Variants in STON2 observed in about 807,000 individuals in gnomAD.
STON2 encodes stonin-2.
In STON2, 29 loss-of-function variants were observed where a neutral mutation model predicts 65.7. That is an observed-to-expected ratio of 0.44 (90% confidence interval 0.33 to 0.60). The LOEUF is 0.60. STON2 is among the 20% of genes least tolerant of loss of function. The pLI, the probability that STON2 is intolerant of heterozygous loss-of-function variation, is 0.03. For missense variants in STON2, 1,054 were observed against 1,118.1 expected (o/e 0.94, Z 0.82); for synonymous variants, 404 against 414.2 (o/e 0.98, Z 0.30).
chr14:81,281,565 T>C (rs529526482), intron 5 of STON2, among the ~76,000 whole-genome samples: 82 of 152,340 alleles, frequency 5.4e-4, no homozygotes, highest in Non-Finnish European at 8.5e-4. Flanking sequence ...CCTTTTTCTT[T>C]GGAGGGCGGC....
At chr14:81,272,019 C>T (rs962286125) in intron 6 of STON2, among the ~76,000 whole-genome samples, 2 of 152,058 alleles carry the variant, frequency 1.3e-5, no homozygotes, top group African/African-American at 2.4e-5. Context: ...GTCAGGAGAT[C>T]GAGACCATCC....
intron 2 of STON2, among the ~76,000 whole-genome samples, chr14:81,405,844 T>C (rs1566946482): frequency 6.6e-6 from 1 of 152,158 alleles, no homozygotes; most frequent in African/African-American, 2.4e-5. Flanking sequence ...TTTAAGGGTG[T>C]TGCCAAAGGA....
intron 6 of STON2, 130 bp downstream of exon 6, chr14:81,276,771 G>T: frequency 9.2e-7 from 1 of 1,083,148 alleles, no homozygotes; most frequent in South Asian, 1.5e-5. Context: ...TACTTTTCTG[G>T]TCCCACTCCC....
At chr14:81,361,207 G>A (rs950540282) in intron 4 of STON2, among the ~76,000 whole-genome samples, 1 of 151,946 alleles carries the variant, frequency 6.6e-6, no homozygotes, top group Non-Finnish European at 1.5e-5. Context: ...GCTATCATAA[G>A]CAAAAACAAC....
In STON2 at chr14:81,261,881, T is replaced by A; in HGVS notation, c.*6533A>T. The stretch of plus-strand genomic sequence containing the variant: ...TTGATCCTCTTTTTAAATCTGTGTG[T>A]GGAAGGCAACTGCAATATAGAGGAT... On this transcript the variant is annotated 3_prime_UTR_variant, in exon 8 of 8. Coordinates refer to ENST00000614646, the MANE Select transcript of STON2 (RefSeq NM_001394390.1). 1.3e-6 allele frequency: 2 copies of A among 1,531,008 alleles called. No individual in the cohort carries two copies. Among genetic ancestry groups the A allele is most frequent in the Non-Finnish European group, 8.7e-7 (1 of 1,145,948 alleles). 94.8% of individuals were successfully genotyped at this position (1,531,008 alleles called of 1,614,324 possible). A position where few individuals can be genotyped will look rare whatever the true frequency, so the allele number is the denominator to read the frequency against.
intron 4 of STON2, among the ~76,000 whole-genome samples, chr14:81,347,711 A>G (rs982810445): frequency 4.1e-5 from 6 of 145,282 alleles, no homozygotes; most frequent in Non-Finnish European, 9.2e-5. Context: ...TGAATCCAAA[A>G]ACACTAAAAA....
rs1055588800 is a variant in STON2 at position 81,265,204 on chromosome 14, T to C, written c.*3210A>G. The C allele has an allele frequency of 8.1e-6, 8 of 984,786 alleles. No homozygotes were observed. The African/African-American group carries it at 1.2e-4, about 15-fold the overall frequency. The allele number at this position is 984,786 out of a possible 1,614,324, so 61.0% of individuals were successfully genotyped here. A position where few individuals can be genotyped will look rare whatever the true frequency, so the allele number is the denominator to read the frequency against. ...CTAATTTGCCCACTTGTATTTTCTT[T>C]AGAAGTTATTTAAACCTAGTAAAAC... On this transcript the variant is annotated 3_prime_UTR_variant, in exon 8 of 8. Coordinates refer to ENST00000614646, the MANE Select transcript of STON2 (RefSeq NM_001394390.1).
At chr14:81,323,007 C>A (rs1896875641) in intron 5 of STON2, among the ~76,000 whole-genome samples, 2 of 152,304 alleles carry the variant, frequency 1.3e-5, no homozygotes, top group South Asian at 4.1e-4. Context: ...ATACCGCCCT[C>A]CTATAAAACC....
intron 4 of STON2, among the ~76,000 whole-genome samples, chr14:81,340,284 C>CT (rs1367910978): frequency 6.6e-6 from 1 of 151,980 alleles, no homozygotes; most frequent in Non-Finnish European, 1.5e-5. Context: ...GCAGTGGGTG[C>CT]TTAGGGGTGG....
intron 5 of STON2, among the ~76,000 whole-genome samples, chr14:81,298,598 TAAGTTCCCA>T (rs927628253): frequency 6.6e-6 from 1 of 152,226 alleles, no homozygotes; most frequent in Non-Finnish European, 1.5e-5. Context: ...CCTGCTCTGG[TAAGTTCCCA>T]AGGAAGAGAA....
chr14:81,378,977 G>A (rs1427708455), intron 3 of STON2, among the ~76,000 whole-genome samples: 8 of 147,056 alleles, frequency 5.4e-5, no homozygotes, highest in African/African-American at 8.2e-5. Flanking sequence ...TGGAGATTCT[G>A]ATCAAGATGG....
rs117353647 is a variant in STON2 at position 81,388,280 on chromosome 14, A to T, written c.373+7614T>A. Reference sequence around the variant, plus strand: ...ATCATATGTTTCTAAGGGAGACTGTATATCTCCTTTTTTCCCTGGCCAACC... The same window carrying T: ...ATCATATGTTTCTAAGGGAGACTGTTTATCTCCTTTTTTCCCTGGCCAACC... On this transcript the variant is annotated intron_variant, in intron 3 of 7. Coordinates refer to ENST00000614646, the MANE Select transcript of STON2 (RefSeq NM_001394390.1). 2.8e-3 allele frequency among the ~76,000 whole-genome samples: 420 copies of T among 152,244 alleles called. 2 individuals carry two copies. Among genetic ancestry groups the T allele is most frequent in the East Asian group, 0.023 (119 of 5,156 alleles).
intron 4 of STON2, among the ~76,000 whole-genome samples, chr14:81,367,452 C>T (rs1215148201): frequency 6.6e-6 from 1 of 152,182 alleles, no homozygotes. Flanking sequence ...GCTGGGAATA[C>T]AGGCACGAGC....
chr14:81,265,383 G>C lies in STON2; in HGVS notation c.*3031C>G. ...TAATAATAATTTGTGGGTCCAGCAT[G>C]GTGGCTCACGCCTGTAATCCCAGAG... is the stretch of plus-strand genomic sequence containing the variant. On this transcript the variant is annotated 3_prime_UTR_variant, in exon 8 of 8. Transcript: ENST00000614646. 1.0e-6 allele frequency: 1 copy of C among 977,988 alleles called. No homozygotes were observed. The highest frequency in any genetic ancestry group is 1.2e-6 in the Non-Finnish European group (1 of 823,302). The allele number at this position is 977,988 out of a possible 1,614,324, so 60.6% of individuals were successfully genotyped here.
intron 3 of STON2, among the ~76,000 whole-genome samples, chr14:81,388,734 C>T (rs969505260): frequency 1.3e-5 from 2 of 152,152 alleles, no homozygotes; most frequent in Admixed American, 6.5e-5. Context: ...TTTTACTCTT[C>T]ATCTGCCAGA....
intron 2 of STON2, among the ~76,000 whole-genome samples, chr14:81,414,480 T>C (rs1283861926): frequency 5.3e-5 from 8 of 152,224 alleles, no homozygotes; most frequent in African/African-American, 9.6e-5. Flanking sequence ...GAGTCCCAGA[T>C]AGGGAGTGCT....
At chr14:81,406,657 G>C (rs1389662630) in intron 2 of STON2, among the ~76,000 whole-genome samples, 1 of 152,198 alleles carries the variant, frequency 6.6e-6, no homozygotes, top group East Asian at 1.9e-4. Flanking sequence ...TTGGTTGGAT[G>C]CTTGAGATGT....
In STON2 at chr14:81,265,809, T is replaced by TG. The variant is rs1381661632; in HGVS notation, c.*2604dup. The TG allele has an allele frequency of 1.4e-5, 14 of 985,038 alleles. No individual in the cohort carries two copies. Among genetic ancestry groups the TG allele is most frequent in the Admixed American group, 1.2e-4 (2 of 16,210 alleles). The allele number at this position is 985,038 out of a possible 1,614,324, so 61.0% of individuals were successfully genotyped here. A position where few individuals can be genotyped will look rare whatever the true frequency, so the allele number is the denominator to read the frequency against. On this transcript the variant is annotated 3_prime_UTR_variant, in exon 8 of 8. Transcript: ENST00000614646. ...GTACACAGGAAATGAGAATTTACCATGGGGGGCGGGGAAATAAGCTCCAAC... is the reference window on the plus strand; with the variant it reads ...GTACACAGGAAATGAGAATTTACCATGGGGGGGCGGGGAAATAAGCTCCAAC...
chr14:81,278,335 A>C lies in STON2; in HGVS notation c.1147T>G (p.Ser383Ala). ...AAAGCACTGAAAGGGTTGATAGGGG[A>C]GGGCTGTACATCCTGCAGAGTCTCA... ...LNETLQDVQP[S>A]PINPFSAFFE... is the part of the protein sequence containing the mutation. The change falls in exon 6 of 8, where the codon TCC becomes GCC. Residue 383 changes from serine to alanine, a missense_variant. Physicochemically the swap from Ser to Ala is moderately conservative, Grantham distance 99 (BLOSUM62 1). Transcript: ENST00000614646. 6.2e-7 allele frequency: 1 copy of C among 1,614,142 alleles called. No homozygotes were observed. Among genetic ancestry groups the C allele is most frequent in the Non-Finnish European group, 8.5e-7 (1 of 1,180,026 alleles).
Sources: allele counts gnomAD v4.1 joint callset (sites outside exome capture counted in the v4.1 genomes callset), GRCh38; gene constraint gnomAD v4.1.1; transcripts MANE v1.5; gene names NCBI Gene and HGNC (gene_info 2026-07-23, HGNC 2026-07-21).